Variants in ALPK2 observed in about 807,000 individuals in gnomAD.
ALPK2 encodes alpha-protein kinase 2.
Under a neutral mutation model 163.1 loss-of-function variants are expected in ALPK2, and 127 were observed. The observed-to-expected ratio is 0.78, with a 90% confidence interval of 0.67 to 0.90. The LOEUF (loss-of-function observed/expected upper bound fraction) is 0.90. Among genes scored for constraint, ALPK2 ranks in the 40% least tolerant of loss-of-function variants. The pLI, the probability that ALPK2 is intolerant of heterozygous loss-of-function variation, is 0.00. For missense variants in ALPK2, 2,360 were observed against 2,589.6 expected (o/e 0.91, Z 1.92); for synonymous variants, 953 against 959.1 (o/e 0.99, Z 0.12).
chr18:58,588,752 A>C (rs942356170), intron 3 of ALPK2, among the ~76,000 whole-genome samples: 6 of 152,220 alleles, frequency 3.9e-5, no homozygotes, highest in African/African-American at 1.4e-4. Flanking sequence ...ATGTCCCTGC[A>C]GAGGACATGA....
At chr18:58,585,336 A>G (rs1243175662) in intron 3 of ALPK2, among the ~76,000 whole-genome samples, 2 of 152,254 alleles carry the variant, frequency 1.3e-5, no homozygotes, top group African/African-American at 4.8e-5. Context: ...TAGCATAAAT[A>G]ATGTTTTTAT....
intron 8 of ALPK2, among the ~76,000 whole-genome samples, chr18:58,517,400 A>G (rs1414957843): frequency 1.3e-5 from 2 of 152,174 alleles, no homozygotes; most frequent in African/African-American, 2.4e-5. Flanking sequence ...GAATGTGGGA[A>G]CATCAGGGAT....
intron 4 of ALPK2, among the ~76,000 whole-genome samples, chr18:58,539,187 GC>G (rs1355473496): frequency 6.6e-6 from 1 of 152,136 alleles, no homozygotes; most frequent in Non-Finnish European, 1.5e-5. Flanking sequence ...CTTATGATTG[GC>G]CACCAGCACT....
intron 10 of ALPK2, among the ~76,000 whole-genome samples, chr18:58,505,458 C>G (rs985571653): frequency 6.6e-6 from 1 of 152,142 alleles, no homozygotes; most frequent in South Asian, 2.1e-4. Flanking sequence ...CTTCCTACTA[C>G]GATGAGCCAT....
intron 11 of ALPK2, among the ~76,000 whole-genome samples, chr18:58,498,325 C>T (rs1010801270): frequency 6.6e-6 from 1 of 152,192 alleles, no homozygotes; most frequent in African/African-American, 2.4e-5. Context: ...CAAGCCCTCT[C>T]GGCTCTGGAA....
intron 8 of ALPK2, among the ~76,000 whole-genome samples, chr18:58,519,408 C>T (rs2051538285): frequency 1.3e-5 from 2 of 152,150 alleles, no homozygotes; most frequent in South Asian, 4.1e-4. Flanking sequence ...TGTATTATAT[C>T]TGCCATATCC....
chr18:58,603,325 G>C (rs1371053391), intron 3 of ALPK2, among the ~76,000 whole-genome samples: 1 of 152,182 alleles, frequency 6.6e-6, no homozygotes, highest in Non-Finnish European at 1.5e-5. Flanking sequence ...GGATTTGGGG[G>C]ACACTATTCA....
In ALPK2 at chr18:58,525,967, G is replaced by GAAAAA. The variant is rs10653750; in HGVS notation, c.5502-1910_5502-1906dup. On this transcript the variant is annotated intron_variant, in intron 6 of 12. Transcript: ENST00000361673. Reference sequence around the variant, plus strand: ...TACTGGGGGATTCAATGATGAAAAAGAAAAAAAAAAAAAAAAAAAGGCACA... The same window carrying GAAAAA: ...TACTGGGGGATTCAATGATGAAAAAGAAAAAAAAAAAAAAAAAAAAAAAAGGCACA... Among the ~76,000 whole-genome samples, 30 of 117,712 alleles carry GAAAAA rather than the reference G, an allele frequency of 2.5e-4. 2 individuals carry two copies. Among genetic ancestry groups the GAAAAA allele is most frequent in the African/African-American group, 6.1e-4 (19 of 30,954 alleles). 77.2% of individuals were successfully genotyped at this position (117,712 alleles called of 152,430 possible). A position where few individuals can be genotyped will look rare whatever the true frequency, so the allele number is the denominator to read the frequency against.
At chr18:58,527,871 G>T (rs2051592136) in intron 6 of ALPK2, among the ~76,000 whole-genome samples, 1 of 152,146 alleles carries the variant, frequency 6.6e-6, no homozygotes, top group African/African-American at 2.4e-5. Context: ...AGTATTCCAT[G>T]ATTACATTTG....
At chr18:58,495,727 T>C (rs2051398179) in intron 12 of ALPK2, among the ~76,000 whole-genome samples, 1 of 152,238 alleles carries the variant, frequency 6.6e-6, no homozygotes, top group Non-Finnish European at 1.5e-5. Context: ...GGTGTCAGGC[T>C]AAGACATGAG....
chr18:58,611,575 A>C, intron 2 of ALPK2, 114 bp downstream of exon 2: 1 of 946,016 alleles, frequency 1.1e-6, no homozygotes, highest in Non-Finnish European at 1.7e-6. Flanking sequence ...ACACAGAAAA[A>C]AAAACTTCCA....
At chr18:58,521,627 C>CTCTTTTTTTTTTTTTTTTTTTTT (rs59358600) in intron 8 of ALPK2, among the ~76,000 whole-genome samples, 6 of 55,378 alleles carry the variant, frequency 1.1e-4, no homozygotes, top group East Asian at 4.6e-4. Context: ...TTCTCTCTCT[C>CTCTTTTTTTTTTTTTTTTTTTTT]TTTTTTTTTT....
At chr18:58,487,881 A>G (rs923106568) in intron 12 of ALPK2, among the ~76,000 whole-genome samples, 7 of 152,168 alleles carry the variant, frequency 4.6e-5, no homozygotes, top group African/African-American at 1.7e-4. Flanking sequence ...AAAACAAAAA[A>G]TATGAATAGC....
chr18:58,618,597 A>G (rs923187920), intron 1 of ALPK2, among the ~76,000 whole-genome samples: 2 of 152,246 alleles, frequency 1.3e-5, no homozygotes, highest in Admixed American at 1.3e-4. Flanking sequence ...AATAGTATAT[A>G]AAGTAAGCAC....
At chr18:58,597,315 G>A (rs970210851) in intron 3 of ALPK2, among the ~76,000 whole-genome samples, 1 of 152,070 alleles carries the variant, frequency 6.6e-6, no homozygotes, top group East Asian at 1.9e-4. Context: ...AACAAAGAAT[G>A]GCTGTGTCTA....
At chr18:58,578,734 A>ACACACACACGCGCACGCGCGCGCGCG (rs745812070) in intron 4 of ALPK2, 80 bp downstream of exon 4, 13 of 396,688 alleles carry the variant, frequency 3.3e-5, no homozygotes, top group Middle Eastern at 7.2e-4. Flanking sequence ...AAAGGAAGAG[A>ACACACACACGCGCACGCGCGCGCGCG]CACACACACA....
At chr18:58,573,613 C>CTTTTTTTTTTTTTTTTTTTT (rs778622176) in intron 4 of ALPK2, among the ~76,000 whole-genome samples, 2 of 51,730 alleles carry the variant, frequency 3.9e-5, no homozygotes, top group African/African-American at 7.8e-5. Flanking sequence ...TTTTTGTCTT[C>CTTTTTTTTTTTTTTTTTTTT]TTTTTTTTTT....
rs183228811 is a variant in ALPK2, at chr18:58,487,482, G to T, written c.6297-5443C>A. On this transcript the variant is annotated intron_variant, in intron 12 of 12. Transcript: ENST00000361673. ...GACAATCAATTTCTATCACTGTGAG[G>T]CTCTTGGTTTGTGGTCATTTGTTAT... is the stretch of plus-strand genomic sequence containing the variant. Among the ~76,000 whole-genome samples, 3 of 152,198 alleles carry T rather than the reference G, an allele frequency of 2.0e-5. No individual in the cohort carries two copies. In the East Asian group the frequency reaches 5.8e-4, roughly 29 times the overall value.
chr18:58,510,503 C>A (rs1388095519), intron 10 of ALPK2, among the ~76,000 whole-genome samples: 1 of 152,166 alleles, frequency 6.6e-6, no homozygotes, highest in East Asian at 1.9e-4. Context: ...GATATTGATT[C>A]TTCCTACCTA....
Sources: allele counts gnomAD v4.1 joint callset (sites outside exome capture counted in the v4.1 genomes callset), GRCh38; gene constraint gnomAD v4.1.1; transcripts MANE v1.5; gene names NCBI Gene and HGNC (gene_info 2026-07-23, HGNC 2026-07-21).